Variants in OR51B5 observed in about 807,000 individuals in gnomAD.
OR51B5 encodes the protein olfactory receptor family 51 subfamily B member 5, also known as olfactory receptor 51B5.
For missense variants in OR51B5, 456 were observed against 374.6 expected (o/e 1.22, Z -1.79); for synonymous variants, 186 against 144.8 (o/e 1.28, Z -2.04).
At chr11:5,480,069 GCAC>G in intron 1 of OR51B5, among the ~76,000 whole-genome samples, 1 of 151,222 alleles carries the variant, frequency 6.6e-6, no homozygotes, top group Admixed American at 6.6e-5. Context: ...ATTTTTTTCA[GCAC>G]CACACCTATT....
At chr11:5,454,614 C>G in intron 1 of OR51B5, 1 of 479,648 alleles carries the variant, frequency 2.1e-6, no homozygotes, top group Non-Finnish European at 3.7e-6. Context: ...TAAATACCAA[C>G]AGTATTCTTA....
Position 5,439,436 on chromosome 11 carries a change from A to G in OR51B5, n.84+66133T>C, listed in dbSNP as rs144580250. 2.0e-5 allele frequency among the ~76,000 whole-genome samples: 3 copies of G among 152,268 alleles called. No individual in the cohort carries two copies. The East Asian group carries it at 5.8e-4, about 29-fold the overall frequency. ...AGTCATTCACAAGTTTACTTCAGCA[A>G]TCTCTCAAGACCTTGTGCCCCAGTG... On this transcript the variant is annotated intron_variant and non_coding_transcript_variant, in intron 1 of 4. Coordinates refer to the OR51B5 transcript ENST00000415970.
chr11:5,434,551 T>A (rs760431171), intron 1 of OR51B5, among the ~76,000 whole-genome samples: 8 of 152,142 alleles, frequency 5.3e-5, no homozygotes, highest in Non-Finnish European at 1.2e-4. Context: ...CTCCTGAAGA[T>A]CCTGACCTGC....
chr11:5,435,355 A>G (rs1440029039), intron 1 of OR51B5, among the ~76,000 whole-genome samples: 1 of 152,222 alleles, frequency 6.6e-6, no homozygotes, highest in Non-Finnish European at 1.5e-5. Context: ...TTCATCAAGT[A>G]TTAACTGAAT....
chr11:5,469,465 A>G (rs1851192553), intron 1 of OR51B5: 1 of 152,182 alleles, frequency 6.6e-6, no homozygotes. Context: ...ACCTGGGTGA[A>G]TTGAGGTGAG....
intron 1 of OR51B5, among the ~76,000 whole-genome samples, chr11:5,363,227 AC>A (rs1430281277): frequency 7.9e-6 from 1 of 125,822 alleles, no homozygotes; most frequent in Non-Finnish European, 1.7e-5. Flanking sequence ...CCCACAACGA[AC>A]CCAACCCCTC....
chr11:5,389,874 T>G, intron 1 of OR51B5: 1 of 1,613,506 alleles, frequency 6.2e-7, no homozygotes. Context: ...GCAGGCCTAA[T>G]TGTCATCTTC....
chr11:5,423,163 A>G, intron 1 of OR51B5: 1 of 1,571,612 alleles, frequency 6.4e-7, no homozygotes, highest in African/African-American at 1.3e-5. Context: ...GAGGGAATGC[A>G]TTTCTTAAAT....
intron 1 of OR51B5, among the ~76,000 whole-genome samples, chr11:5,400,133 T>C (rs1007557699): frequency 2.0e-5 from 3 of 152,198 alleles, no homozygotes; most frequent in Non-Finnish European, 4.4e-5. Context: ...GATCATTTGT[T>C]AAGGTCAATA....
intron 1 of OR51B5, chr11:5,390,219 A>G (rs1251756355): frequency 6.2e-7 from 1 of 1,613,848 alleles, no homozygotes; most frequent in African/African-American, 1.3e-5. Context: ...TCCCTGGTGC[A>G]CCGTTTTGGG....
exon 1 of OR51B5, chr11:5,505,591 C>T (rs1052159137): frequency 3.8e-6 from 3 of 781,116 alleles, no homozygotes; most frequent in Non-Finnish European, 5.2e-6. Flanking sequence ...CTGGGGAGGC[C>T]TCACAACCAT....
intron 1 of OR51B5, among the ~76,000 whole-genome samples, chr11:5,436,569 C>T (rs147841553): frequency 0.013 from 2,041 of 152,328 alleles, 42 homozygotes; most frequent in African/African-American, 0.047. Flanking sequence ...CTAAAGCAGT[C>T]TCTGGCAGCT....
chr11:5,420,699 A>C (rs530541296), intron 1 of OR51B5, among the ~76,000 whole-genome samples: 3 of 152,008 alleles, frequency 2.0e-5, no homozygotes, highest in Non-Finnish European at 4.4e-5. Context: ...TATTTTCTCT[A>C]TTTTATTTTT....
intron 1 of OR51B5, among the ~76,000 whole-genome samples, chr11:5,377,892 T>C (rs1849552136): frequency 6.6e-6 from 1 of 152,118 alleles, no homozygotes; most frequent in South Asian, 2.1e-4. Context: ...ATGCCCAAGG[T>C]AATTTATAGA....
intron 1 of OR51B5, among the ~76,000 whole-genome samples, chr11:5,376,693 T>C (rs1849533871): frequency 6.6e-6 from 1 of 151,820 alleles, no homozygotes. Context: ...TCTACGCAAA[T>C]AAACTAGAAA....
upstream of OR51B5, among the ~76,000 whole-genome samples, chr11:5,345,284 A>G (rs1412066673): frequency 1.3e-5 from 2 of 152,160 alleles, no homozygotes; most frequent in African/African-American, 4.8e-5. Context: ...AGAGACAAGA[A>G]AAGAGATGAG....
upstream of OR51B5, among the ~76,000 whole-genome samples, chr11:5,348,258 C>G (rs902355868): frequency 7.2e-5 from 11 of 152,092 alleles, no homozygotes; most frequent in Non-Finnish European, 1.0e-4. Flanking sequence ...TACGAACAAA[C>G]CAGAGCATGG....
intron 1 of OR51B5, among the ~76,000 whole-genome samples, chr11:5,470,056 T>C (rs77764695): frequency 0.011 from 1,715 of 152,356 alleles, 33 homozygotes; most frequent in African/African-American, 0.038. Context: ...ACATGGATTT[T>C]GTTTTAATCT....
chr11:5,424,421 C>G (rs1327155465), intron 1 of OR51B5, among the ~76,000 whole-genome samples: 7 of 152,102 alleles, frequency 4.6e-5, no homozygotes, highest in Non-Finnish European at 1.0e-4. Context: ...CCAGGCTTCC[C>G]GACTCACAGA....
Sources: gnomAD v4.1 joint callset for allele counts (sites outside exome capture counted in the v4.1 genomes callset) on GRCh38, gnomAD v4.1.1 for gene constraint, MANE v1.5 for transcripts, NCBI Gene and HGNC (gene_info 2026-07-23, HGNC 2026-07-21) for gene names.